Variants in DGLUCY observed in about 807,000 individuals in gnomAD.
DGLUCY encodes D-glutamate cyclase, mitochondrial.
DGLUCY carries 58 observed loss-of-function variants against 58.5 expected under a neutral mutation model. The ratio of observed to expected loss-of-function variants is 0.99; its 90% CI spans 0.80 to 1.23. The LOEUF is 1.23. Among genes scored for constraint, DGLUCY ranks in the 50% most tolerant of loss-of-function variants. The pLI, the probability that DGLUCY is intolerant of heterozygous loss-of-function variation, is 0.00. For missense variants in DGLUCY, 779 were observed against 784.7 expected (o/e 0.99, Z 0.09); for synonymous variants, 325 against 314.1 (o/e 1.03, Z -0.37).
At position 91,122,019 on chromosome 14, in the gene DGLUCY, T is replaced by C. The variant is rs1463181564; in HGVS notation, c.-82+7736T>C. Among the ~76,000 whole-genome samples the C allele has an allele frequency of 5.3e-5, 8 of 152,316 alleles. 1 individual carries two copies. In the South Asian group the frequency reaches 1.0e-3, roughly 20 times the overall value. Reference sequence around the variant, plus strand: ...TGATCACAGAAGAGCTAAGAAGTGATAGCAGTTGTATTTAGTGGAGAACAG... The same window carrying C: ...TGATCACAGAAGAGCTAAGAAGTGACAGCAGTTGTATTTAGTGGAGAACAG... On this transcript the variant is annotated intron_variant, in intron 1 of 13. Transcript: ENST00000256324.
In DGLUCY at chr14:91,153,888, A is replaced by G. The variant is rs185936209; in HGVS notation, c.-81-3751A>G. Among the ~76,000 whole-genome samples the G allele has an allele frequency of 4.0e-4, 61 of 152,230 alleles. 2 individuals carry two copies. In the East Asian group the frequency reaches 9.9e-3, roughly 25 times the overall value. On this transcript the variant is annotated intron_variant, in intron 1 of 13. Transcript: ENST00000256324. The stretch of plus-strand genomic sequence containing the variant: ...CATGCACCCAAGGTGGTCGGGGTAC[A>G]GGTTTTTATTATTTTTGTTTGTTTG...
In DGLUCY at chr14:91,097,886, A is replaced by G. The variant is rs368749950; in HGVS notation, c.-82+37182A>G. ...GTTAATTACTCATTTGACTCCTCCT[A>G]CCTTGTATGATGTCACTTGTATCCA... is the stretch of plus-strand genomic sequence containing the variant. On this transcript the variant is annotated intron_variant, in intron 1 of 4. Transcript: ENST00000521334. Among the ~76,000 whole-genome samples, 15 of 152,004 alleles carry G rather than the reference A, an allele frequency of 9.9e-5. 1 individual carries two copies. The South Asian group carries it at 2.9e-3, about 29-fold the overall frequency.
intron 13 of DGLUCY, among the ~76,000 whole-genome samples, chr14:91,216,850 A>G (rs180996272): frequency 7.2e-5 from 11 of 152,308 alleles, no homozygotes; most frequent in African/African-American, 2.6e-4. Context: ...GAAGGGCATC[A>G]ACGTGTGCCC....
At chr14:91,207,159 A>AG (rs1884860260) in intron 12 of DGLUCY, among the ~76,000 whole-genome samples, 1 of 124,376 alleles carries the variant, frequency 8.0e-6, no homozygotes, top group African/African-American at 3.1e-5. Context: ...ACACTGTCTC[A>AG]GGAAAAAAAA....
chr14:91,202,068 A>AATAATAATAATAATAATAAT (rs1446944220), intron 11 of DGLUCY, among the ~76,000 whole-genome samples: 2 of 126,572 alleles, frequency 1.6e-5, no homozygotes, highest in Admixed American at 8.6e-5. Context: ...AAATAATAAT[A>AATAATAATAATAATAATAAT]ATAATAATAA....
chr14:91,134,815 C>G (rs1443293728), intron 1 of DGLUCY, among the ~76,000 whole-genome samples: 1 of 152,130 alleles, frequency 6.6e-6, no homozygotes. Context: ...ATACAGAAAC[C>G]TTCCTGAACT....
chr14:91,128,512 A>G (rs2045853737), intron 1 of DGLUCY, among the ~76,000 whole-genome samples: 1 of 152,086 alleles, frequency 6.6e-6, no homozygotes, highest in Admixed American at 6.6e-5. Flanking sequence ...AAAATAAAAT[A>G]AAACAAAAAA....
intron 1 of DGLUCY, among the ~76,000 whole-genome samples, chr14:91,146,478 TC>T (rs752896893): frequency 6.6e-6 from 1 of 152,202 alleles, no homozygotes; most frequent in Non-Finnish European, 1.5e-5. Flanking sequence ...ACAGTCATCC[TC>T]CACTCCCACT....
intron 1 of DGLUCY, among the ~76,000 whole-genome samples, chr14:91,099,512 G>A (rs1254093039): frequency 7.2e-6 from 1 of 139,026 alleles, no homozygotes; most frequent in Non-Finnish European, 1.5e-5. Context: ...CAGCCTAGGC[G>A]ACAGAGACCC....
chr14:91,169,989 C>T lies in DGLUCY; in HGVS notation c.258-14C>T, dbSNP rs761612932. On this transcript the variant is annotated splice_polypyrimidine_tract_variant and intron_variant, in intron 4 of 13. Coordinates refer to ENST00000256324, the MANE Select transcript of DGLUCY (RefSeq NM_001102368.3). ...GAGTCTGGGGCCCTCCCAGCTTTCCCCTTATGTCCCCAGGATGGGCCATCC... is the reference window on the plus strand; with the variant it reads ...GAGTCTGGGGCCCTCCCAGCTTTCCTCTTATGTCCCCAGGATGGGCCATCC... The T allele has an allele frequency of 1.9e-6, 3 of 1,611,372 alleles. No homozygotes were observed. The highest frequency in any genetic ancestry group is 2.7e-5 in the African/African-American group (2 of 74,856).
At chr14:91,068,592 C>G (rs2043865818) in intron 1 of DGLUCY, among the ~76,000 whole-genome samples, 1 of 152,142 alleles carries the variant, frequency 6.6e-6, no homozygotes, top group South Asian at 2.1e-4. Context: ...TCACTTGAAC[C>G]CGGGAGGTGG....
chr14:91,170,063 G>A lies in DGLUCY; in HGVS notation c.318G>A (p.Ser106=), dbSNP rs766348370. 3.5e-5 allele frequency: 56 copies of A among 1,612,452 alleles called. 1 individual carries two copies. In the Admixed American group the frequency reaches 6.5e-4, roughly 19 times the overall value. The change falls in exon 5 of 14, where the codon TCG becomes TCA. Residue 106 remains serine (S), a synonymous_variant. Coordinates refer to ENST00000256324, the MANE Select transcript of DGLUCY (RefSeq NM_001102368.3). ...GTGCCTGCACCGGCAGCCTGGCTTC[G>A]CTGGAGCAGTACTCGGAGCAGCTGA... ...EFGACTGSLA[S]LEQYSEQLKD...
At chr14:91,202,044 A>G (rs1274590539) in intron 11 of DGLUCY, among the ~76,000 whole-genome samples, 16 of 150,518 alleles carry the variant, frequency 1.1e-4, no homozygotes, top group Admixed American at 1.1e-3. Flanking sequence ...GACAAGAGCA[A>G]GACTCTGTCT....
chr14:91,220,237 G>C (rs914360467), intron 13 of DGLUCY, among the ~76,000 whole-genome samples: 1 of 152,224 alleles, frequency 6.6e-6, no homozygotes, highest in African/African-American at 2.4e-5. Context: ...GCAAGTCTCC[G>C]ACCTCAGCAT....
chr14:91,102,743 A>ATATGTGTGTGTGTG (rs1555391100), intron 1 of DGLUCY, among the ~76,000 whole-genome samples: 1 of 130,586 alleles, frequency 7.7e-6, no homozygotes, highest in Non-Finnish European at 1.6e-5. Context: ...TCCAGTGTGT[A>ATATGTGTGTGTGTG]TGTGTGTGTG....
intron 1 of DGLUCY, among the ~76,000 whole-genome samples, chr14:91,076,323 A>G (rs566083098): frequency 6.6e-6 from 1 of 152,186 alleles, no homozygotes; most frequent in Non-Finnish European, 1.5e-5. Flanking sequence ...TAATATTTGC[A>G]TGTAACCTGT....
intron 8 of DGLUCY, among the ~76,000 whole-genome samples, chr14:91,182,234 G>T (rs2049225474): frequency 6.6e-6 from 1 of 152,192 alleles, no homozygotes; most frequent in Non-Finnish European, 1.5e-5. Context: ...ACCCATCTCG[G>T]CCTCCCGAAG....
chr14:91,203,027 C>T (rs916883444), intron 11 of DGLUCY, among the ~76,000 whole-genome samples: 1 of 152,242 alleles, frequency 6.6e-6, no homozygotes, highest in African/African-American at 2.4e-5. Context: ...AATCAAGTCA[C>T]CTGGGTTTAA....
At position 91,223,908 on chromosome 14, in the gene DGLUCY, C is replaced by G. The variant is rs528811999; in HGVS notation, c.1717-776C>G. ...GGCACAGAACAGTTAAAATTCCTGC[C>G]AGGAAAGACTCAAGTCAGACCTTTC... On this transcript the variant is annotated intron_variant, in intron 13 of 13. Coordinates refer to ENST00000256324, the MANE Select transcript of DGLUCY (RefSeq NM_001102368.3). 30 of 291,898 alleles carry G rather than the reference C, an allele frequency of 1.0e-4. No homozygotes were observed. In the South Asian group the frequency reaches 1.0e-3, roughly 10 times the overall value. The allele number at this position is 291,898 out of a possible 1,614,324, so 18.1% of individuals were successfully genotyped here.
Sources: gnomAD v4.1 joint callset for allele counts (sites outside exome capture counted in the v4.1 genomes callset) on GRCh38, gnomAD v4.1.1 for gene constraint, MANE v1.5 for transcripts, NCBI Gene and HGNC (gene_info 2026-07-23, HGNC 2026-07-21) for gene names.